KDM6B: variants seen among roughly 807,000 people sequenced by gnomAD.
The protein encoded by KDM6B is lysine demethylase 6B, also known as lysine-specific demethylase 6B.
In KDM6B, 22 loss-of-function variants were observed where a neutral mutation model predicts 150.4. That is an observed-to-expected ratio of 0.15 (90% confidence interval 0.10 to 0.21). The LOEUF (loss-of-function observed/expected upper bound fraction) is 0.21, where lower values mean the gene tolerates loss of function less well. Among genes scored for constraint, KDM6B ranks in the 10% least tolerant of loss-of-function variants. KDM6B has a pLI of 1.00. For synonymous variants in KDM6B, 1,148 were observed against 921.1 expected (o/e 1.25, Z -4.46); for missense variants, 1,984 against 2,234.3 (o/e 0.89, Z 2.26).
At position 7,850,970 on chromosome 17, in the gene KDM6B, G is replaced by GTCCCTATCC. The variant is rs751858142; in HGVS notation, c.3674-48_3674-40dup. ...AGGGAAAGGGTCGATTGGGTCCTCGGTCCCTATCCTCTGCCTCTGCCCCGA... is the reference window on the plus strand; with the variant it reads ...AGGGAAAGGGTCGATTGGGTCCTCGGTCCCTATCCTCCCTATCCTCTGCCTCTGCCCCGA... On this transcript the variant is annotated intron_variant, in intron 14 of 23. Coordinates refer to ENST00000448097, the MANE Select transcript of KDM6B (RefSeq NM_001348716.2). 18 of 1,501,372 alleles carry GTCCCTATCC rather than the reference G, an allele frequency of 1.2e-5. No individual in the cohort carries two copies. The Admixed American group carries it at 1.8e-4, about 15-fold the overall frequency. 93.0% of individuals were successfully genotyped at this position (1,501,372 alleles called of 1,614,324 possible).
In KDM6B at chr17:7,834,258, C is replaced by T. The variant is rs1212860442; in HGVS notation, c.-480C>T. On this transcript the variant is annotated 5_prime_UTR_variant, in exon 1 of 24. Coordinates refer to ENST00000448097, the MANE Select transcript of KDM6B (RefSeq NM_001348716.2). ...CCAACTGCGCCACTGGGCGGAGCGG[C>T]CCCCCCAGCCCCGGCCTGGGAGAAG... is the stretch of plus-strand genomic sequence containing the variant. Among the ~76,000 whole-genome samples, 1 of 150,754 alleles carries T rather than the reference C, an allele frequency of 6.6e-6. No homozygotes were observed. The highest frequency in any genetic ancestry group is 1.5e-5 in the Non-Finnish European group (1 of 67,500).
In KDM6B at chr17:7,853,576, C is replaced by CA; in HGVS notation, c.*56dup. 1 of 1,327,314 alleles carries CA rather than the reference C, an allele frequency of 7.5e-7. No individual in the cohort carries two copies. Among genetic ancestry groups the CA allele is most frequent in the Non-Finnish European group, 9.7e-7 (1 of 1,028,516 alleles). 82.2% of individuals were successfully genotyped at this position (1,327,314 alleles called of 1,614,324 possible). On this transcript the variant is annotated 3_prime_UTR_variant, in exon 24 of 24. Coordinates refer to ENST00000448097, the MANE Select transcript of KDM6B (RefSeq NM_001348716.2). ...GCGCAAGGCGCCGCGGGGCCACCAG[C>CA]ACATGCCTGGGCTGGACCTAGGTCC...
chr17:7,839,379 CCTCCCT>C (rs2078381644), intron 1 of KDM6B, among the ~76,000 whole-genome samples: 1 of 152,048 alleles, frequency 6.6e-6, no homozygotes, highest in South Asian at 2.1e-4. Context: ...GAGGATGGCC[CCTCCCT>C]GTTGGGCCCG....
intron 14 of KDM6B, 138 bp downstream of exon 14, chr17:7,850,315 G>A: frequency 1.5e-6 from 1 of 686,688 alleles, no homozygotes; most frequent in Non-Finnish European, 2.5e-6. Context: ...GCTGGCCTTG[G>A]GCTCTTCTCC....
chr17:7,851,931 TTC>T lies in KDM6B; in HGVS notation c.4166-16_4166-15del. The stretch of plus-strand genomic sequence containing the variant: ...AGTTCCGACCTGGCCAGCCATGCCG[TTC>T]TCTGTCGACCCCTGCAGGCCACCAG... On this transcript the variant is annotated intron_variant, in intron 18 of 23. Coordinates refer to ENST00000448097, the MANE Select transcript of KDM6B (RefSeq NM_001348716.2). 6.2e-7 allele frequency: 1 copy of T among 1,612,130 alleles called. No homozygotes were observed. The highest frequency in any genetic ancestry group is 8.5e-7 in the Non-Finnish European group (1 of 1,178,760).
rs749636587 is a variant in KDM6B, at chr17:7,848,030, T to C, written c.1742T>C (p.Ile581Thr). The change falls in exon 12 of 24, where the codon ATA becomes ACA. Residue 581 changes from isoleucine to threonine, a missense_variant. Around this residue, in one of 13 missense-constraint regions of KDM6B, gnomAD observed 1,379 missense variants for 1,275.6 expected, o/e 1.08. Transcript: ENST00000448097. ...FPPPPYLARS[I>T]DPLPRPPSPA... The stretch of plus-strand genomic sequence containing the variant: ...CCACCACCCTATCTGGCCAGAAGTA[T>C]AGACCCCCTTCCCCGGCCTCCCAGC... The C allele has an allele frequency of 4.4e-6, 7 of 1,608,010 alleles. No homozygotes were observed. The highest frequency in any genetic ancestry group is 2.2e-5 in the South Asian group (2 of 90,844).
rs372513893 is a variant in KDM6B at position 7,846,366 on chromosome 17, C to T, written c.457-34C>T. 51 of 1,543,620 alleles carry T rather than the reference C, an allele frequency of 3.3e-5. 1 individual carries two copies. Among genetic ancestry groups the T allele is most frequent in the Non-Finnish European group, 4.4e-5 (50 of 1,136,494 alleles). ...CCTTCTGGCTCAGTGCCCCACCTGA[C>T]ATCTGCCCCTGCCCCGTGTCCCCCC... On this transcript the variant is annotated intron_variant, in intron 7 of 23. Coordinates refer to ENST00000448097, the MANE Select transcript of KDM6B (RefSeq NM_001348716.2).
In KDM6B at chr17:7,849,665, G is replaced by C. The variant is rs752366374; in HGVS notation, c.3377G>C (p.Arg1126Pro). ...TTTATCGCCTCTGAGGTGGAAGAGCGGCGGCTGCGCATGGCAGACCTCACC... is the reference window on the plus strand; with the variant it reads ...TTTATCGCCTCTGAGGTGGAAGAGCCGCGGCTGCGCATGGCAGACCTCACC... Reference protein sequence around the residue: ...ETFIASEVEERRLRMADLTIS... With the variant: ...ETFIASEVEEPRLRMADLTIS... Residue 1126 changes from arginine to proline, a missense_variant, in exon 12 of 24, where the codon CGG becomes CCG. Coordinates refer to ENST00000448097, the MANE Select transcript of KDM6B (RefSeq NM_001348716.2). 1.9e-6 allele frequency: 3 copies of C among 1,609,916 alleles called. No homozygotes were observed. The highest frequency in any genetic ancestry group is 1.7e-5 in the Admixed American group (1 of 60,016).
chr17:7,845,494 A>G, intron 4 of KDM6B, 38 bp downstream of exon 4: 1 of 1,607,454 alleles, frequency 6.2e-7, no homozygotes, highest in Non-Finnish European at 8.5e-7. Context: ...CTGGATGTAC[A>G]CTGGCAGCTC....
Position 7,853,371 on chromosome 17 carries a change from C to T in KDM6B, c.4899C>T (p.Ala1633=). The change falls in exon 23 of 24, where the codon GCC becomes GCT. Residue 1633 remains alanine, a synonymous_variant. Transcript: ENST00000448097. ...RTEELAQAYD[A]FTLAPASTSR ...AGGAGCTGGCTCAGGCCTACGACGC[C>T]TTCACGCTGGTGAGGGCCCGGCGGG... The T allele has an allele frequency of 3.9e-6, 6 of 1,551,600 alleles. No individual in the cohort carries two copies. The East Asian group carries it at 7.2e-5, about 19-fold the overall frequency.
Position 7,849,060 on chromosome 17 carries a change from T to C in KDM6B, c.2772T>C (p.Leu924=). The C allele has an allele frequency of 2.5e-6, 4 of 1,611,836 alleles. No individual in the cohort carries two copies. The highest frequency in any genetic ancestry group is 1.7e-5 in the Admixed American group (1 of 60,010). ...LEEISRACET[L]VERVGRSATD... ...AGATCAGCCGGGCTTGCGAGACCCT[T>C]GTGGAGCGGGTGGGCCGGAGTGCCA... The change falls in exon 12 of 24, where the codon CTT becomes CTC. Residue 924 remains leucine (L), a synonymous_variant. Transcript: ENST00000448097.
chr17:7,852,362 G>A lies in KDM6B; in HGVS notation c.4468+26G>A, dbSNP rs761500658. On this transcript the variant is annotated intron_variant, in intron 20 of 23. Coordinates refer to ENST00000448097, the MANE Select transcript of KDM6B (RefSeq NM_001348716.2). ...GTGAGAGGGTGGGGCAGGTGTTGGC[G>A]TGGTGTGGCGCCTCAGCGGCAAGGG... is the stretch of plus-strand genomic sequence containing the variant. The A allele has an allele frequency of 1.3e-5, 21 of 1,599,006 alleles. No homozygotes were observed. The East Asian group carries it at 3.2e-4, about 24-fold the overall frequency.
In KDM6B at chr17:7,854,573, G is replaced by T. The variant is rs1048788671; in HGVS notation, c.*1052G>T. The T allele has an allele frequency of 6.5e-6, 1 of 155,004 alleles. No individual in the cohort carries two copies. The highest frequency in any genetic ancestry group is 6.4e-5 in the Admixed American group (1 of 15,666). 9.6% of individuals were successfully genotyped at this position (155,004 alleles called of 1,614,324 possible). A position where few individuals can be genotyped will look rare whatever the true frequency, so the allele number is the denominator to read the frequency against. ...CAACCCAGGGCCAGGGCCTCACTGG[G>T]GCAGGGACACCCCGGGGTGAGTTTC... On this transcript the variant is annotated 3_prime_UTR_variant, in exon 24 of 24. Transcript: ENST00000448097.
In KDM6B at chr17:7,848,439, A is replaced by G. The variant is rs773307842; in HGVS notation, c.2151A>G (p.Ala717=). The change falls in exon 12 of 24, where the codon GCA becomes GCG. Residue 717 remains alanine (A), a synonymous_variant. Coordinates refer to ENST00000448097, the MANE Select transcript of KDM6B (RefSeq NM_001348716.2). ...AAGAGGAACAGCAACAACACGAAGC[A>G]GGCGTGGCCCCCCAACCCCCGCTGA... The part of the protein sequence containing the change: ...RKEEEQQQHE[A]GVAPQPPLKE... 1.2e-6 allele frequency: 2 copies of G among 1,612,958 alleles called. No individual in the cohort carries two copies. Among genetic ancestry groups the G allele is most frequent in the South Asian group, 2.2e-5 (2 of 91,082 alleles).
In KDM6B at chr17:7,853,583, C is replaced by T. The variant is rs1597862481; in HGVS notation, c.*62C>T. The T allele has an allele frequency of 7.9e-7, 1 of 1,270,652 alleles. No homozygotes were observed. The highest frequency in any genetic ancestry group is 1.0e-6 in the Non-Finnish European group (1 of 985,508). 78.7% of individuals were successfully genotyped at this position (1,270,652 alleles called of 1,614,324 possible). ...GCGCCGCGGGGCCACCAGCACATGCCTGGGCTGGACCTAGGTCCCGCCTGT... is the reference window on the plus strand; with the variant it reads ...GCGCCGCGGGGCCACCAGCACATGCTTGGGCTGGACCTAGGTCCCGCCTGT... On this transcript the variant is annotated 3_prime_UTR_variant, in exon 24 of 24. Coordinates refer to ENST00000448097, the MANE Select transcript of KDM6B (RefSeq NM_001348716.2).
At chr17:7,834,759 G>A (rs1040084216) in intron 1 of KDM6B, among the ~76,000 whole-genome samples, 1 of 152,092 alleles carries the variant, frequency 6.6e-6, no homozygotes, top group Non-Finnish European at 1.5e-5. Flanking sequence ...CCCGGTCCCA[G>A]GACTACTTTA....
rs139806027 is a variant in KDM6B, at chr17:7,848,113, G to T, written c.1825G>T (p.Ala609Ser). The T allele has an allele frequency of 1.2e-6, 2 of 1,612,180 alleles. No homozygotes were observed. The highest frequency in any genetic ancestry group is 1.7e-6 in the Non-Finnish European group (2 of 1,179,632). Residue 609 changes from alanine (A) to serine (S), a missense_variant, in exon 12 of 24, where the codon GCC becomes TCC. Physicochemically the swap from Ala to Ser is moderately conservative, Grantham distance 99 (BLOSUM62 1). Transcript: ENST00000448097. ...LVPLTLALPPAPPSSCHQNTS... is the reference protein window; with the variant it reads ...LVPLTLALPPSPPSSCHQNTS... ...ACCCCTGACTCTTGCCCTGCCTCCA[G>T]CCCCTCCTTCCTCCTGCCACCAAAA... is the stretch of plus-strand genomic sequence containing the variant.
At chr17:7,851,438 C>A in intron 16 of KDM6B, 40 bp from the exon 17 acceptor site, 1 of 1,614,176 alleles carries the variant, frequency 6.2e-7, no homozygotes, top group Non-Finnish European at 8.5e-7. Context: ...TCCTTCCCCT[C>A]CCTCTGCTCT....
In KDM6B at chr17:7,854,052, GTTC is replaced by G. The variant is rs1793976471; in HGVS notation, c.*534_*536del. 6.6e-6 allele frequency: 1 copy of G among 152,508 alleles called. No homozygotes were observed. The highest frequency in any genetic ancestry group is 2.4e-5 in the African/African-American group (1 of 41,408). 9.4% of individuals were successfully genotyped at this position (152,508 alleles called of 1,614,324 possible). ...CACTTGGTTATGATTTGTATTTTTT[GTTC>G]TTTTCTTGTTTTTTTGTTTTTAATT... On this transcript the variant is annotated 3_prime_UTR_variant, in exon 24 of 24. Coordinates refer to ENST00000448097, the MANE Select transcript of KDM6B (RefSeq NM_001348716.2).
Sources: allele counts gnomAD v4.1 joint callset (sites outside exome capture counted in the v4.1 genomes callset), GRCh38; gene constraint gnomAD v4.1.1; regional missense constraint gnomAD v4.1.1; transcripts MANE v1.5; gene names NCBI Gene and HGNC (gene_info 2026-07-23, HGNC 2026-07-21).